ADGRE1: variants seen among roughly 807,000 people sequenced by gnomAD.
The protein encoded by ADGRE1 is adhesion G protein-coupled receptor E1.
ADGRE1 carries 82 observed loss-of-function variants against 102.7 expected under a neutral mutation model. That is an observed-to-expected ratio of 0.80 (90% CI 0.67 to 0.96). ADGRE1 has a LOEUF of 0.96. Among genes scored for constraint, ADGRE1 ranks in the 40% least tolerant of loss-of-function variants. The probability of loss-of-function intolerance (pLI) is 0.00; values close to 1 mark genes in which losing one functional copy is unlikely to be tolerated. For missense variants in ADGRE1, 1,032 were observed against 1,085.3 expected (o/e 0.95, Z 0.69); for synonymous variants, 398 against 399.6 (o/e 1.00, Z 0.05).
chr19:6,939,414 T>C (rs922638121), intron 20 of ADGRE1, among the ~76,000 whole-genome samples: 17 of 152,132 alleles, frequency 1.1e-4, no homozygotes, highest in African/African-American at 3.6e-4. Context: ...AATAGGGAAA[T>C]GATTTTCCTT....
chr19:6,919,690 T>G lies in ADGRE1; in HGVS notation c.1563T>G (p.Thr521=). 1.2e-6 allele frequency: 2 copies of G among 1,613,388 alleles called. No individual in the cohort carries two copies. Among genetic ancestry groups the G allele is most frequent in the Non-Finnish European group, 1.7e-6 (2 of 1,179,826 alleles). ...MNSRVVGGIM[T]GEKKDGFSDP... ...CTCGAGTCGTTGGGGGCATAATGAC[T>G]GGAGAGAAGAAAGACGGCTTCTCAG... Residue 521 remains threonine (T), a synonymous_variant, in exon 13 of 21, where the codon ACT becomes ACG. Coordinates refer to ENST00000312053, the MANE Select transcript of ADGRE1 (RefSeq NM_001974.5).
intron 20 of ADGRE1, 43 bp downstream of exon 20, chr19:6,937,691 TG>T: frequency 6.3e-7 from 1 of 1,587,630 alleles, no homozygotes; most frequent in Non-Finnish European, 8.6e-7. Context: ...TCGAGGGAGG[TG>T]CCGGCCTCTT....
At chr19:6,923,136 A>C (rs1974740467) in intron 14 of ADGRE1, among the ~76,000 whole-genome samples, 1 of 152,218 alleles carries the variant, frequency 6.6e-6, no homozygotes, top group Admixed American at 6.5e-5. Context: ...TCCCTACCAG[A>C]GAGGCCATAA....
At chr19:6,906,767 C>A (rs752623119) in intron 9 of ADGRE1, among the ~76,000 whole-genome samples, 4 of 152,144 alleles carry the variant, frequency 2.6e-5, no homozygotes, top group Non-Finnish European at 5.9e-5. Context: ...CCAGCTCCTG[C>A]CCTCACATCT....
intron 16 of ADGRE1, among the ~76,000 whole-genome samples, chr19:6,927,067 A>AG (rs148374851): frequency 0.01 from 1,466 of 146,532 alleles, 28 homozygotes; most frequent in African/African-American, 0.037. Flanking sequence ...CTCAGAAAAA[A>AG]GTGGGGGGAA....
Position 6,899,679 on chromosome 19 carries a change from C to CA in ADGRE1, c.514+2144dup, listed in dbSNP as rs879810404. Among the ~76,000 whole-genome samples, 886 of 137,940 alleles carry CA rather than the reference C, an allele frequency of 6.4e-3. 6 individuals are homozygous for CA. Among genetic ancestry groups the CA allele is most frequent in the Admixed American group, 0.011 (152 of 13,724 alleles). The allele number at this position is 137,940 out of a possible 152,430, so 90.5% of individuals were successfully genotyped here. The stretch of plus-strand genomic sequence containing the variant: ...TGGGCAACAGAGCAAGACTCTGTTT[C>CA]AAAAAAAAAAAATACCCAACAACAA... On this transcript the variant is annotated intron_variant, in intron 5 of 20. Coordinates refer to ENST00000312053, the MANE Select transcript of ADGRE1 (RefSeq NM_001974.5).
chr19:6,919,711 C>T lies in ADGRE1; in HGVS notation c.1584C>T (p.Phe528=). 6.2e-7 allele frequency: 1 copy of T among 1,613,250 alleles called. No individual in the cohort carries two copies. Among genetic ancestry groups the T allele is most frequent in the Non-Finnish European group, 8.5e-7 (1 of 1,179,720 alleles). The change falls in exon 13 of 21, where the codon TTC becomes TTT. Residue 528 remains phenylalanine, a synonymous_variant. Coordinates refer to ENST00000312053, the MANE Select transcript of ADGRE1 (RefSeq NM_001974.5). Reference sequence around the variant, plus strand: ...TGACTGGAGAGAAGAAAGACGGCTTCTCAGATCCAATCATCTACACTCTGG... The same window carrying T: ...TGACTGGAGAGAAGAAAGACGGCTTTTCAGATCCAATCATCTACACTCTGG... ...GIMTGEKKDG[F]SDPIIYTLEN...
In ADGRE1 at chr19:6,897,500, G is replaced by GT. The variant is rs1188365356; in HGVS notation, c.469dup (p.Cys157LeufsTer10). 6.3e-7 allele frequency: 1 copy of GT among 1,595,626 alleles called. No homozygotes were observed. On this transcript the variant is annotated frameshift_variant, in exon 5 of 21. Transcript: ENST00000312053. LOFTEE classifies it high-confidence loss of function. ...TGTGTCAACTCCATGGGAAGCTACAGTTGCAGCTGTCAAGTTGGATTCATC... is the reference window on the plus strand; with the variant it reads ...TGTGTCAACTCCATGGGAAGCTACAGTTTGCAGCTGTCAAGTTGGATTCATC...
chr19:6,888,711 C>T (rs1027824347), intron 1 of ADGRE1, among the ~76,000 whole-genome samples: 4 of 152,114 alleles, frequency 2.6e-5, no homozygotes, highest in African/African-American at 9.7e-5. Flanking sequence ...TGAATTACCT[C>T]TAAAATAATT....
Position 6,903,206 on chromosome 19 carries a change from A to T in ADGRE1, c.662-604A>T, listed in dbSNP as rs111314679. On this transcript the variant is annotated intron_variant, in intron 6 of 20. Coordinates refer to ENST00000312053, the MANE Select transcript of ADGRE1 (RefSeq NM_001974.5). ...GTAGTAACTTTTGGGTCATTGAGTCATTGCCATAGAAAGGGGCAGTAACTC... is the reference window on the plus strand; with the variant it reads ...GTAGTAACTTTTGGGTCATTGAGTCTTTGCCATAGAAAGGGGCAGTAACTC... Among the ~76,000 whole-genome samples the T allele has an allele frequency of 3.0e-3, 463 of 152,278 alleles. 2 individuals carry two copies. The highest frequency in any genetic ancestry group is 1.0e-2 in the African/African-American group (414 of 41,564).
chr19:6,896,365 T>C (rs1336527661), intron 2 of ADGRE1, 33 bp from the exon 3 acceptor site: 5 of 1,608,350 alleles, frequency 3.1e-6, no homozygotes, highest in Non-Finnish European at 4.3e-6. Context: ...AATGCTCTAA[T>C]CTTGTCTAAA....
chr19:6,924,110 C>T (rs1974783235), intron 14 of ADGRE1, among the ~76,000 whole-genome samples: 1 of 151,360 alleles, frequency 6.6e-6, no homozygotes, highest in Non-Finnish European at 1.5e-5. Flanking sequence ...GCATTTAACA[C>T]AGGGAATTGG....
At chr19:6,929,810 T>C (rs1261264707) in intron 17 of ADGRE1, among the ~76,000 whole-genome samples, 1 of 152,030 alleles carries the variant, frequency 6.6e-6, no homozygotes, top group South Asian at 2.1e-4. Flanking sequence ...CATATGCCAC[T>C]ATGACCAGCT....
chr19:6,901,748 A>G (rs1174544139), intron 5 of ADGRE1, 127 bp from the exon 6 acceptor site: 6 of 947,796 alleles, frequency 6.3e-6, no homozygotes, highest in Middle Eastern at 2.9e-4. Flanking sequence ...GAAGGGGGGA[A>G]CATGGATATT....
intron 10 of ADGRE1, among the ~76,000 whole-genome samples, chr19:6,911,975 A>T (rs907662653): frequency 6.6e-6 from 1 of 151,840 alleles, no homozygotes; most frequent in Non-Finnish European, 1.5e-5. Flanking sequence ...ACATACACAG[A>T]CATCTACACA....
intron 2 of ADGRE1, among the ~76,000 whole-genome samples, chr19:6,894,789 G>A (rs939051684): frequency 2.0e-5 from 3 of 152,178 alleles, no homozygotes; most frequent in African/African-American, 4.8e-5. Context: ...TTCAGAGGAA[G>A]ATCTGGATCA....
chr19:6,927,404 A>G (rs1219906808), intron 16 of ADGRE1, among the ~76,000 whole-genome samples: 3 of 151,426 alleles, frequency 2.0e-5, no homozygotes, highest in African/African-American at 4.9e-5. Context: ...CTGAGTGCTG[A>G]GTATTCAGAG....
chr19:6,919,501 A>G (rs369276165), intron 12 of ADGRE1, 47 bp from the exon 13 acceptor site: 380 of 1,505,440 alleles, frequency 2.5e-4, no homozygotes, highest in Non-Finnish European at 3.3e-4. Flanking sequence ...TATAATAACA[A>G]TTGAGCAAAC....
chr19:6,921,980 T>C (rs755648287), intron 14 of ADGRE1, 97 bp downstream of exon 14: 4 of 1,423,300 alleles, frequency 2.8e-6, no homozygotes, highest in Non-Finnish European at 3.8e-6. Flanking sequence ...TCCCATGGGG[T>C]TGGGTGTTGT....
Sources: allele counts gnomAD v4.1 joint callset (sites outside exome capture counted in the v4.1 genomes callset), GRCh38; gene constraint gnomAD v4.1.1; transcripts MANE v1.5; gene names NCBI Gene and HGNC (gene_info 2026-07-23, HGNC 2026-07-21).